NUCB1: variants seen among roughly 807,000 people sequenced by gnomAD.
NUCB1 encodes the protein nucleobindin-1.
NUCB1 carries 47 observed loss-of-function variants against 61.2 expected under a neutral mutation model. That is an observed-to-expected ratio of 0.77 (90% CI 0.61 to 0.98). NUCB1 has a LOEUF of 0.98. NUCB1 is among the 50% of genes least tolerant of loss of function. NUCB1 has a pLI of 0.00. For synonymous variants in NUCB1, 234 were observed against 243.1 expected (o/e 0.96, Z 0.35); for missense variants, 583 against 605.3 (o/e 0.96, Z 0.39).
chr19:48,914,059 T>A (rs1283383795), intron 7 of NUCB1, among the ~76,000 whole-genome samples: 5 of 146,266 alleles, frequency 3.4e-5, no homozygotes, highest in Non-Finnish European at 7.5e-5. Flanking sequence ...CCCCCTGCCC[T>A]CCGCCTCCCG....
chr19:48,901,303 G>A (rs2122158810), intron 2 of NUCB1, among the ~76,000 whole-genome samples: 1 of 152,296 alleles, frequency 6.6e-6, no homozygotes. Flanking sequence ...GCTCTTGGGA[G>A]TTGTAGTTTA....
At chr19:48,909,293 G>T (rs1479965224) in intron 4 of NUCB1, among the ~76,000 whole-genome samples, 1 of 151,214 alleles carries the variant, frequency 6.6e-6, no homozygotes, top group African/African-American at 2.4e-5. Flanking sequence ...CGTTGCCCAG[G>T]CTGGAGTGCG....
At chr19:48,903,476 G>A (rs1344267351) in intron 2 of NUCB1, among the ~76,000 whole-genome samples, 1 of 143,492 alleles carries the variant, frequency 7.0e-6, no homozygotes, top group Non-Finnish European at 1.5e-5. Flanking sequence ...ATGGGCGGGT[G>A]GATGGATGGG....
intron 5 of NUCB1, 113 bp downstream of exon 5, chr19:48,911,365 G>T: frequency 1.4e-6 from 1 of 704,986 alleles, no homozygotes; most frequent in Non-Finnish European, 2.5e-6. Context: ...GTTCTCTGAG[G>T]TTGGAGGCTG....
In NUCB1 at chr19:48,904,406, T is replaced by C; in HGVS notation, c.195T>C (p.Asp65=). The change falls in exon 3 of 13, where the codon GAT becomes GAC. Residue 65 remains aspartate (D), a synonymous_variant. Transcript: ENST00000405315. ...AGGTCATCGATGTACTGGAGACGGA[T>C]GGGCATTTCCGAGAGAAGCTGCAGG... ...LQEVIDVLET[D]GHFREKLQAA... 1 of 1,613,212 alleles carries C rather than the reference T, an allele frequency of 6.2e-7. No homozygotes were observed. The highest frequency in any genetic ancestry group is 8.5e-7 in the Non-Finnish European group (1 of 1,179,764).
intron 10 of NUCB1, 34 bp from the exon 11 acceptor site, chr19:48,921,120 T>G (rs757538100): frequency 7.3e-5 from 115 of 1,574,102 alleles, no homozygotes; most frequent in Non-Finnish European, 9.3e-5. Flanking sequence ...AGGTTGGACC[T>G]GTGCCCCTGA....
At chr19:48,907,919 C>T (rs528832246) in intron 4 of NUCB1, among the ~76,000 whole-genome samples, 4 of 152,300 alleles carry the variant, frequency 2.6e-5, no homozygotes, top group Admixed American at 6.5e-5. Context: ...CCGTTCGCCC[C>T]GCTCTCCCGT....
chr19:48,911,684 G>A (rs942543017), intron 5 of NUCB1, among the ~76,000 whole-genome samples: 1 of 152,042 alleles, frequency 6.6e-6, no homozygotes, highest in African/African-American at 2.4e-5. Context: ...GGGATTACAA[G>A]TGTCAGCCAC....
rs368223661 is a variant in NUCB1 at position 48,922,389 on chromosome 19, C to T, written c.1351C>T (p.Arg451Trp). 55 of 1,613,638 alleles carry T rather than the reference C, an allele frequency of 3.4e-5. No individual in the cohort carries two copies. The highest frequency in any genetic ancestry group is 1.6e-4 in the Middle Eastern group (1 of 6,080). ...VDTSEKKLLE[R>W]LPEVEVPQHL is the part of the protein sequence containing the mutation. ...CACTTCAGAAAAGAAACTTCTCGAG[C>T]GGCTCCCTGAGGTTGAGGTGCCCCA... Residue 451 changes from arginine (R) to tryptophan (W), a missense_variant, in exon 13 of 13, where the codon CGG becomes TGG. By Grantham distance (101) the Arg-to-Trp change is moderately radical (BLOSUM62 -3). Transcript: ENST00000405315.
At chr19:48,907,417 A>G (rs549395541) in intron 4 of NUCB1, among the ~76,000 whole-genome samples, 17 of 151,848 alleles carry the variant, frequency 1.1e-4, no homozygotes, top group African/African-American at 4.1e-4. Context: ...CTGGGATTAC[A>G]GGTGTGTGCC....
Position 48,920,506 on chromosome 19 carries a change from T to TTTTA in NUCB1, c.1003-632_1003-629dup, listed in dbSNP as rs574050522. ...CATGCCCAGCTAATCTAGGTCTCTG[T>TTTTA]TTTATTTATTTATTTATTTGTTTGT... On this transcript the variant is annotated intron_variant, in intron 10 of 12. Transcript: ENST00000405315. 2.5e-4 allele frequency among the ~76,000 whole-genome samples: 38 copies of TTTTA among 151,870 alleles called. 1 individual carries two copies. The highest frequency in any genetic ancestry group is 1.5e-3 in the South Asian group (7 of 4,798).
At chr19:48,901,071 C>A in intron 2 of NUCB1, 140 bp downstream of exon 2, 2 of 995,344 alleles carry the variant, frequency 2.0e-6, no homozygotes, top group Non-Finnish European at 3.1e-6. Flanking sequence ...ACCATTCCTC[C>A]CAGCAGCAGG....
intron 2 of NUCB1, 48 bp from the exon 3 acceptor site, chr19:48,904,299 G>C (rs769277646): frequency 8.0e-7 from 1 of 1,257,414 alleles, no homozygotes; most frequent in Non-Finnish European, 1.2e-6. Context: ...GTGAGGGTGG[G>C]GATGGGGATG....
intron 12 of NUCB1, 45 bp downstream of exon 12, chr19:48,921,977 C>A: frequency 6.8e-7 from 1 of 1,471,044 alleles, no homozygotes; most frequent in Non-Finnish European, 9.3e-7. Context: ...GGCTGGACCC[C>A]TGGGTCTGAG....
In NUCB1 at chr19:48,919,021, C is replaced by T. The variant is rs1261003619; in HGVS notation, c.817-9C>T. ...CTCAATGCTGTCTGCCTCTCGCTTGCTCCTGCAGCTGGAGAAAGTGTACGA... is the reference window on the plus strand; with the variant it reads ...CTCAATGCTGTCTGCCTCTCGCTTGTTCCTGCAGCTGGAGAAAGTGTACGA... On this transcript the variant is annotated splice_polypyrimidine_tract_variant and intron_variant, in intron 8 of 12. Transcript: ENST00000405315. 6.2e-7 allele frequency: 1 copy of T among 1,612,972 alleles called. No homozygotes were observed. Among genetic ancestry groups the T allele is most frequent in the African/African-American group, 1.3e-5 (1 of 74,916 alleles).
chr19:48,919,540 C>G (rs906428995), intron 10 of NUCB1, among the ~76,000 whole-genome samples: 1 of 151,464 alleles, frequency 6.6e-6, no homozygotes, highest in Non-Finnish European at 1.5e-5. Context: ...TGCAGTGGCA[C>G]GATCTCGGCT....
rs549081178 is a variant in NUCB1 at position 48,913,014 on chromosome 19, A to T, written c.484A>T (p.Thr162Ser). 6.2e-7 allele frequency: 1 copy of T among 1,606,222 alleles called. No individual in the cohort carries two copies. The highest frequency in any genetic ancestry group is 8.5e-7 in the Non-Finnish European group (1 of 1,176,078). Residue 162 changes from threonine (T) to serine (S), a missense_variant, in exon 6 of 13, where the codon ACC (threonine) becomes TCC (serine). Physicochemically the swap from Thr to Ser is moderately conservative, Grantham distance 58. Coordinates refer to ENST00000405315, the MANE Select transcript of NUCB1 (RefSeq NM_006184.6). ...ATGACCCTGTGCCTTTCCCCAGGCC[A>T]CCCGGGACCTTGCCCAGTACGACGC... ...RDLELLIQTATRDLAQYDAAH... is the reference protein window; with the variant it reads ...RDLELLIQTASRDLAQYDAAH...
chr19:48,902,427 T>C (rs954459903), intron 2 of NUCB1, among the ~76,000 whole-genome samples: 6 of 148,474 alleles, frequency 4.0e-5, no homozygotes, highest in African/African-American at 1.3e-4. Context: ...TTTCTTTTTT[T>C]TTTTTTTTTT....
rs1316168225 is a variant in NUCB1 at position 48,911,167 on chromosome 19, T to C, written c.395T>C (p.Leu132Pro). The C allele has an allele frequency of 6.2e-7, 1 of 1,613,340 alleles. No individual in the cohort carries two copies. Among genetic ancestry groups the C allele is most frequent in the East Asian group, 2.2e-5 (1 of 44,854 alleles). The change falls in exon 5 of 13, where the codon CTG becomes CCG. Residue 132 changes from leucine (L) to proline (P), a missense_variant. Physicochemically the swap from Leu to Pro is moderately conservative, Grantham distance 98 (BLOSUM62 -3). Coordinates refer to ENST00000405315, the MANE Select transcript of NUCB1 (RefSeq NM_006184.6). ...CTTCCAGATGTACAGGTGGATCATC[T>C]GAATCTCCTGAAACAGTTTGAACAC... ...EQDPNVQVDH[L>P]NLLKQFEHLD...
Sources: gnomAD v4.1 joint callset for allele counts (sites outside exome capture counted in the v4.1 genomes callset) on GRCh38, gnomAD v4.1.1 for gene constraint, MANE v1.5 for transcripts, NCBI Gene and HGNC (gene_info 2026-07-23, HGNC 2026-07-21) for gene names.